SBF2: variants seen among roughly 807,000 people sequenced by gnomAD.
SBF2 encodes the protein myotubularin-related protein 13.
Under a neutral mutation model 225.2 loss-of-function variants are expected in SBF2, and 112 were observed. The observed-to-expected ratio is 0.50, with a 90% CI of 0.43 to 0.58. The LOEUF is 0.58. SBF2 is among the 20% of genes least tolerant of loss of function. The probability of loss-of-function intolerance (pLI) is 0.00; values close to 1 mark genes in which losing one functional copy is unlikely to be tolerated. For missense variants in SBF2, 1,996 were observed against 2,206.2 expected (o/e 0.90, Z 1.91); for synonymous variants, 763 against 773.3 (o/e 0.99, Z 0.22).
At chr11:9,795,636 G>A (rs1333129548) in intron 33 of SBF2, among the ~76,000 whole-genome samples, 195 bp downstream of exon 33, 1 of 152,132 alleles carries the variant, frequency 6.6e-6, no homozygotes, top group African/African-American at 2.4e-5. Flanking sequence ...GATGCTATAG[G>A]AATGACCACC....
intron 6 of SBF2, among the ~76,000 whole-genome samples, chr11:10,003,225 A>C (rs1948048524): frequency 6.6e-6 from 1 of 152,266 alleles, no homozygotes; most frequent in South Asian, 2.1e-4. Flanking sequence ...CAGAGACTGT[A>C]ACTGAAATAT....
intron 16 of SBF2, among the ~76,000 whole-genome samples, chr11:9,922,009 G>A (rs886977705): frequency 6.6e-6 from 1 of 152,188 alleles, no homozygotes; most frequent in Non-Finnish European, 1.5e-5. Context: ...ACTTTAGGAG[G>A]CCAAGGTGGG....
chr11:9,857,996 T>C (rs1857440845), intron 18 of SBF2, among the ~76,000 whole-genome samples: 1 of 152,214 alleles, frequency 6.6e-6, no homozygotes, highest in Non-Finnish European at 1.5e-5. Context: ...AATTCTTATT[T>C]ATTAAAGTAT....
At chr11:10,126,211 G>A (rs1456656847) in intron 2 of SBF2, among the ~76,000 whole-genome samples, 1 of 151,924 alleles carries the variant, frequency 6.6e-6, no homozygotes, top group Non-Finnish European at 1.5e-5. Flanking sequence ...TATCATTTTT[G>A]GTACTATCTA....
intron 9 of SBF2, among the ~76,000 whole-genome samples, chr11:9,997,718 C>A (rs756747392): frequency 6.6e-6 from 1 of 152,200 alleles, no homozygotes; most frequent in Non-Finnish European, 1.5e-5. Flanking sequence ...GCGGAGCTTG[C>A]AGTGAGCCCA....
At chr11:10,270,927 G>A (rs1354970140) in intron 1 of SBF2, among the ~76,000 whole-genome samples, 5 of 147,912 alleles carry the variant, frequency 3.4e-5, no homozygotes, top group South Asian at 2.1e-4. Context: ...CCCGGGAGGC[G>A]GACCTTGCAG....
chr11:9,888,662 T>G (rs1026464922), intron 17 of SBF2, among the ~76,000 whole-genome samples: 1 of 152,074 alleles, frequency 6.6e-6, no homozygotes, highest in African/African-American at 2.4e-5. Flanking sequence ...CTGAAGAAAT[T>G]AGAGGGCAGG....
At chr11:9,920,202 GTGTA>G (rs1554954720) in intron 16 of SBF2, among the ~76,000 whole-genome samples, 2,486 of 143,482 alleles carry the variant, frequency 0.017, 29 homozygotes, top group Middle Eastern at 0.033. Flanking sequence ...GTGTGTGTGT[GTGTA>G]TATATATATA....
intron 2 of SBF2, among the ~76,000 whole-genome samples, chr11:10,093,301 C>A (rs1258986837): frequency 6.6e-6 from 1 of 151,354 alleles, no homozygotes; most frequent in East Asian, 1.9e-4. Flanking sequence ...AGGTTTGAGC[C>A]ACTGTGCCCA....
At chr11:9,973,397 A>G (rs528290805) in intron 13 of SBF2, among the ~76,000 whole-genome samples, 1 of 152,356 alleles carries the variant, frequency 6.6e-6, no homozygotes, top group East Asian at 1.9e-4. Flanking sequence ...GAGAAATGCA[A>G]ATATAAAGTA....
At chr11:9,925,133 T>C (rs1254307304) in intron 16 of SBF2, among the ~76,000 whole-genome samples, 1 of 152,168 alleles carries the variant, frequency 6.6e-6, no homozygotes, top group Non-Finnish European at 1.5e-5. Context: ...GCAGGATCTG[T>C]ATGATGTGAG....
chr11:10,181,894 A>C (rs899103427), intron 2 of SBF2, among the ~76,000 whole-genome samples: 2 of 152,208 alleles, frequency 1.3e-5, no homozygotes, highest in African/African-American at 2.4e-5. Flanking sequence ...CTTTTCTTCA[A>C]TAAATACACA....
At position 9,842,697 on chromosome 11, in the gene SBF2, T is replaced by C; in HGVS notation, c.3184A>G (p.Lys1062Glu). ...KMTIGRQYLLKKKTGTIVEER... is the reference protein window; with the variant it reads ...KMTIGRQYLLEKKTGTIVEER... The stretch of plus-strand genomic sequence containing the variant: ...TCCACAATTGTCCCTGTCTTCTTCT[T>C]CAGTAAATATTGCCGCCCAATTGTC... The change falls in exon 25 of 40, where the codon AAG becomes GAG. Residue 1062 changes from lysine (K) to glutamate (E), a missense_variant. Lys to Glu is a moderately conservative substitution (Grantham distance 56, BLOSUM62 1). Transcript: ENST00000256190. 1 of 1,614,150 alleles carries C rather than the reference T, an allele frequency of 6.2e-7. No homozygotes were observed. The highest frequency in any genetic ancestry group is 8.5e-7 in the Non-Finnish European group (1 of 1,179,982).
chr11:9,949,697 A>C (rs1225647173), intron 16 of SBF2, among the ~76,000 whole-genome samples: 1 of 152,126 alleles, frequency 6.6e-6, no homozygotes, highest in Non-Finnish European at 1.5e-5. Context: ...ATTTACATTC[A>C]TAAGAAAAAG....
chr11:9,917,648 C>T (rs567140337), intron 16 of SBF2, among the ~76,000 whole-genome samples: 2 of 151,400 alleles, frequency 1.3e-5, no homozygotes, highest in East Asian at 3.9e-4. Flanking sequence ...TTTTATTATT[C>T]TATCTTCCCT....
intron 2 of SBF2, among the ~76,000 whole-genome samples, chr11:10,158,573 G>A (rs531302698): frequency 6.6e-6 from 1 of 152,170 alleles, no homozygotes; most frequent in East Asian, 1.9e-4. Flanking sequence ...TAACCTAGAA[G>A]AAATGTATCA....
chr11:9,805,617 T>C (rs1056179189), intron 32 of SBF2, among the ~76,000 whole-genome samples: 2 of 152,094 alleles, frequency 1.3e-5, no homozygotes, highest in Non-Finnish European at 2.9e-5. Context: ...ACTTAGGATA[T>C]TCTAGATTTT....
At chr11:10,300,811 C>CTTTTTTTTTTTTTTTTTT (rs570381146) in intron 1 of SBF2, among the ~76,000 whole-genome samples, 1 of 138,128 alleles carries the variant, frequency 7.2e-6, no homozygotes, top group African/African-American at 2.7e-5. Context: ...CTCTCTCTCT[C>CTTTTTTTTTTTTTTTTTT]TTTTTTTTTT....
intron 17 of SBF2, among the ~76,000 whole-genome samples, chr11:9,888,339 A>G (rs1457005068): frequency 6.6e-6 from 1 of 151,952 alleles, no homozygotes; most frequent in Non-Finnish European, 1.5e-5. Flanking sequence ...TCTACAAAAG[A>G]AAAAAATTTT....
Sources: gnomAD v4.1 joint callset for allele counts (sites outside exome capture counted in the v4.1 genomes callset) on GRCh38, gnomAD v4.1.1 for gene constraint, MANE v1.5 for transcripts, NCBI Gene and HGNC (gene_info 2026-07-23, HGNC 2026-07-21) for gene names.